MMP26: variants seen among roughly 807,000 people sequenced by gnomAD.
MMP26 encodes the protein matrix metalloproteinase-26.
Under a neutral mutation model 31.0 loss-of-function variants are expected in MMP26, and 33 were observed. The ratio of observed to expected loss-of-function variants is 1.06; its 90% CI spans 0.81 to 1.42. MMP26 has a LOEUF of 1.42. Among genes scored for constraint, MMP26 ranks in the 40% most tolerant of loss-of-function variants. MMP26 has a pLI of 0.00. For synonymous variants in MMP26, 122 were observed against 114.9 expected (o/e 1.06, Z -0.40); for missense variants, 347 against 316.1 (o/e 1.10, Z -0.74).
intron 2 of MMP26, chr11:4,937,630 A>G (rs1201064745): frequency 6.6e-6 from 1 of 152,670 alleles, no homozygotes; most frequent in East Asian, 1.9e-4. Context: ...AGCCCTTAAA[A>G]TCATAATTTA....
At chr11:4,859,792 A>G (rs760620890) in intron 2 of MMP26, 3 of 471,348 alleles carry the variant, frequency 6.4e-6, no homozygotes, top group East Asian at 6.9e-5. Flanking sequence ...GGCAGCACCC[A>G]TAAAAGGAAC....
At chr11:4,919,664 G>C (rs1308855297) in intron 2 of MMP26, among the ~76,000 whole-genome samples, 1 of 152,052 alleles carries the variant, frequency 6.6e-6, no homozygotes, top group Non-Finnish European at 1.5e-5. Flanking sequence ...TGTGTGATAT[G>C]GCATAACCCC....
At chr11:4,826,451 T>G (rs1849579334) in intron 2 of MMP26, among the ~76,000 whole-genome samples, 2 of 152,070 alleles carry the variant, frequency 1.3e-5, no homozygotes, top group Admixed American at 6.6e-5. Context: ...GCTGGCCTAT[T>G]ATGCCTATGG....
intron 2 of MMP26, among the ~76,000 whole-genome samples, chr11:4,811,332 G>GT (rs537396210): frequency 9.5e-4 from 144 of 152,252 alleles, no homozygotes; most frequent in Middle Eastern, 3.4e-3. Flanking sequence ...TCAATAGGTA[G>GT]TTTTTTATCC....
intron 2 of MMP26, chr11:4,860,020 A>G (rs565671520): frequency 6.8e-5 from 32 of 471,102 alleles, no homozygotes; most frequent in Non-Finnish European, 1.4e-4. Context: ...GTTTTGGTGA[A>G]GACAGTATGA....
intron 2 of MMP26, among the ~76,000 whole-genome samples, chr11:4,797,483 A>C (rs1024694465): frequency 4.6e-5 from 7 of 152,130 alleles, no homozygotes; most frequent in African/African-American, 1.7e-4. Flanking sequence ...ACTGTGCACT[A>C]TGATTGCTCT....
intron 2 of MMP26, among the ~76,000 whole-genome samples, chr11:4,862,967 A>C (rs1850184318): frequency 6.6e-6 from 1 of 152,114 alleles, no homozygotes. Flanking sequence ...TTAAATGTCA[A>C]GTGAGAGCCT....
intron 2 of MMP26, among the ~76,000 whole-genome samples, chr11:4,768,261 G>A (rs1269509148): frequency 6.6e-6 from 1 of 152,116 alleles, no homozygotes; most frequent in East Asian, 1.9e-4. Context: ...TGATAAATTA[G>A]CAAGTGTGCC....
At chr11:4,937,035 T>G (rs757456554) in intron 2 of MMP26, among the ~76,000 whole-genome samples, 2 of 152,194 alleles carry the variant, frequency 1.3e-5, no homozygotes, top group Non-Finnish European at 2.9e-5. Flanking sequence ...AGCAGGAGAA[T>G]ACTTTTTTAA....
intron 2 of MMP26, chr11:4,907,351 A>G: frequency 2.5e-5 from 36 of 1,441,236 alleles, no homozygotes; most frequent in Non-Finnish European, 3.3e-5. Flanking sequence ...CCGGCTAACG[A>G]GCTCATATCT....
At chr11:4,748,845 T>C (rs1257836715) in intron 1 of MMP26, among the ~76,000 whole-genome samples, 1 of 152,016 alleles carries the variant, frequency 6.6e-6, no homozygotes, top group Non-Finnish European at 1.5e-5. Context: ...TCATATTGAA[T>C]GGGGAAAAGT....
chr11:4,930,670 T>A (rs963120630), intron 2 of MMP26, among the ~76,000 whole-genome samples: 10 of 152,198 alleles, frequency 6.6e-5, no homozygotes, highest in Middle Eastern at 3.4e-3. Context: ...AAATTTAGAT[T>A]TAATATTTTT....
intron 2 of MMP26, among the ~76,000 whole-genome samples, chr11:4,840,251 C>CT (rs1849776163): frequency 6.6e-6 from 1 of 152,226 alleles, no homozygotes; most frequent in African/African-American, 2.4e-5. Flanking sequence ...TAGGGGATCT[C>CT]ACCTTCCTGA....
Position 4,954,219 on chromosome 11 carries a change from G to T in MMP26, c.-144-33849G>T, listed in dbSNP as rs866673627. 3.7e-5 allele frequency among the ~76,000 whole-genome samples: 2 copies of T among 53,548 alleles called. 1 individual carries two copies. The highest frequency in any genetic ancestry group is 1.1e-4 in the African/African-American group (2 of 17,754). 35.1% of individuals were successfully genotyped at this position (53,548 alleles called of 152,430 possible). On this transcript the variant is annotated intron_variant, in intron 2 of 7. Transcript: ENST00000380390. ...CAATATTTTACTGAAGAAATGCTTG[G>T]TGACTTCTAGGGTGGGGAAATGATG...
chr11:4,782,608 T>C (rs1270592228), intron 2 of MMP26, among the ~76,000 whole-genome samples: 1 of 151,978 alleles, frequency 6.6e-6, no homozygotes, highest in African/African-American at 2.4e-5. Flanking sequence ...TTTGCATAAG[T>C]AAGAAGGAGC....
At chr11:4,909,884 A>T (rs1411744651) in intron 2 of MMP26, among the ~76,000 whole-genome samples, 1 of 152,066 alleles carries the variant, frequency 6.6e-6, no homozygotes, top group African/African-American at 2.4e-5. Flanking sequence ...CTTTGTCAAC[A>T]TTCTCTGTCT....
intron 1 of MMP26, among the ~76,000 whole-genome samples, chr11:4,742,909 G>C (rs564935988): frequency 6.6e-6 from 1 of 152,074 alleles, no homozygotes; most frequent in African/African-American, 2.4e-5. Context: ...AGATTACAGG[G>C]TATTAGCCAT....
chr11:4,773,174 T>C (rs777457951), intron 2 of MMP26, among the ~76,000 whole-genome samples: 3 of 152,224 alleles, frequency 2.0e-5, no homozygotes, highest in Non-Finnish European at 4.4e-5. Context: ...TCCTACCTTC[T>C]TGGACTCAGC....
At chr11:4,758,311 A>G (rs1410406417) in intron 1 of MMP26, among the ~76,000 whole-genome samples, 7 of 152,254 alleles carry the variant, frequency 4.6e-5, no homozygotes, top group African/African-American at 1.7e-4. Context: ...TCAAAAAAAG[A>G]AAGTAGGGCA....
Sources: allele counts gnomAD v4.1 joint callset (sites outside exome capture counted in the v4.1 genomes callset), GRCh38; gene constraint gnomAD v4.1.1; transcripts MANE v1.5; gene names NCBI Gene and HGNC (gene_info 2026-07-23, HGNC 2026-07-21).